MAP2K5: variants seen among roughly 807,000 people sequenced by gnomAD.
MAP2K5 encodes mitogen-activated protein kinase kinase 5, also known as dual specificity mitogen-activated protein kinase kinase 5.
MAP2K5 carries 49 observed loss-of-function variants against 83.1 expected under a neutral mutation model. The observed-to-expected ratio is 0.59, with a 90% CI of 0.47 to 0.75. The LOEUF (loss-of-function observed/expected upper bound fraction) is 0.75, where lower values mean the gene tolerates loss of function less well. MAP2K5 is among the 30% of genes least tolerant of loss of function. The probability of loss-of-function intolerance (pLI) is 0.00; values close to 1 mark genes in which losing one functional copy is unlikely to be tolerated. For synonymous variants in MAP2K5, 202 were observed against 191.8 expected, an observed-to-expected ratio of 1.05 and a Z score of -0.44; for missense variants, 457 against 557.5, an observed-to-expected ratio of 0.82 and a Z score of 1.82.
chr15:67,728,974 TA>T (rs1254843658), intron 17 of MAP2K5, among the ~76,000 whole-genome samples: 1 of 152,242 alleles, frequency 6.6e-6, no homozygotes, highest in Non-Finnish European at 1.5e-5. Flanking sequence ...CTTTCATAGT[TA>T]AAGCCATCAG....
At position 67,591,937 on chromosome 15, in the gene MAP2K5, C is replaced by A. The variant is rs2085421492; in HGVS notation, c.432-989C>A. ...GACCAGCCTGACCAACATGGAGAAA[C>A]CCCCAGCTTACTAAAAATACAAAAT... On this transcript the variant is annotated intron_variant, in intron 6 of 21. Coordinates refer to ENST00000178640, the MANE Select transcript of MAP2K5 (RefSeq NM_145160.3). Among the ~76,000 whole-genome samples the A allele has an allele frequency of 2.6e-5, 4 of 151,750 alleles. No individual in the cohort carries two copies. In the South Asian group the frequency reaches 6.3e-4, roughly 24 times the overall value.
At chr15:67,607,375 A>C (rs1301062822) in intron 8 of MAP2K5, among the ~76,000 whole-genome samples, 1 of 152,156 alleles carries the variant, frequency 6.6e-6, no homozygotes, top group African/African-American at 2.4e-5. Context: ...GGTTTGTTTC[A>C]TACGATAATG....
intron 17 of MAP2K5, among the ~76,000 whole-genome samples, chr15:67,745,364 A>G (rs1422701080): frequency 1.3e-5 from 2 of 152,250 alleles, no homozygotes; most frequent in African/African-American, 4.8e-5. Flanking sequence ...CACAAAGCCA[A>G]CATTTTATAT....
In MAP2K5 at chr15:67,543,522, G is replaced by C. The variant is rs1299092030; in HGVS notation, c.135+52G>C. The C allele has an allele frequency of 1.2e-6, 2 of 1,609,476 alleles. No homozygotes were observed. The highest frequency in any genetic ancestry group is 1.1e-5 in the South Asian group (1 of 90,748). Reference sequence around the variant, plus strand: ...GCCAGCAAGGGGGACTCAGGGACTTGAGTAGTCAGCACCTTGACCACTGGT... The same window carrying C: ...GCCAGCAAGGGGGACTCAGGGACTTCAGTAGTCAGCACCTTGACCACTGGT... On this transcript the variant is annotated intron_variant, in intron 1 of 21. Coordinates refer to ENST00000178640, the MANE Select transcript of MAP2K5 (RefSeq NM_145160.3). This position sits in a 1 kb window ranked among gnomAD's most constrained non-coding sequence, Gnocchi z 4.3.
At chr15:67,756,994 G>C (rs2089852535) in intron 19 of MAP2K5, among the ~76,000 whole-genome samples, 1 of 152,026 alleles carries the variant, frequency 6.6e-6, no homozygotes, top group Non-Finnish European at 1.5e-5. Flanking sequence ...GAATAATGCT[G>C]CAGTGAACAT....
In MAP2K5 at chr15:67,645,718, A is replaced by AT. The variant is rs779547659; in HGVS notation, c.586-498dup. On this transcript the variant is annotated intron_variant, in intron 9 of 21. Coordinates refer to ENST00000178640, the MANE Select transcript of MAP2K5 (RefSeq NM_145160.3). ...CACCCGATCATACTACACACAGGTAATTTTTTTTTTTTTTTGTAGAGATGG... is the reference window on the plus strand; with the variant it reads ...CACCCGATCATACTACACACAGGTAATTTTTTTTTTTTTTTTGTAGAGATGG... Among the ~76,000 whole-genome samples, 1,346 of 141,938 alleles carry AT rather than the reference A, an allele frequency of 9.5e-3. 11 individuals are homozygous for AT. The highest frequency in any genetic ancestry group is 0.027 in the African/African-American group (1,036 of 38,850). The allele number at this position is 141,938 out of a possible 152,430, so 93.1% of individuals were successfully genotyped here. A position where few individuals can be genotyped will look rare whatever the true frequency, so the allele number is the denominator to read the frequency against.
intron 8 of MAP2K5, among the ~76,000 whole-genome samples, chr15:67,606,124 G>T: frequency 6.6e-6 from 1 of 152,124 alleles, no homozygotes; most frequent in African/African-American, 2.4e-5. Context: ...TGCTTCCTTG[G>T]CATATCATTT....
chr15:67,666,086 C>A (rs765750021), intron 13 of MAP2K5, among the ~76,000 whole-genome samples: 2 of 152,058 alleles, frequency 1.3e-5, no homozygotes, highest in Non-Finnish European at 2.9e-5. Context: ...GAAAAACATC[C>A]ATTCTTAATA....
chr15:67,806,564 A>G lies in MAP2K5; in HGVS notation c.1243-82A>G. The G allele has an allele frequency of 2.4e-6, 3 of 1,228,808 alleles. No individual in the cohort carries two copies. In the South Asian group the frequency reaches 4.4e-5, roughly 18 times the overall value. 76.1% of individuals were successfully genotyped at this position (1,228,808 alleles called of 1,614,324 possible). On this transcript the variant is annotated intron_variant, in intron 21 of 21. Transcript: ENST00000178640. ...GTTACTGGGGAAAGAGATCAGATCC[A>G]GGCTGAGGGCAGGCCCTGGAAAGTA...
At chr15:67,763,056 C>A (rs1566956025) in intron 19 of MAP2K5, among the ~76,000 whole-genome samples, 1 of 152,158 alleles carries the variant, frequency 6.6e-6, no homozygotes, top group Non-Finnish European at 1.5e-5. Flanking sequence ...TTTCTCTGCT[C>A]AAGACTTGAT....
At position 67,724,541 on chromosome 15, in the gene MAP2K5, C is replaced by G. The variant is rs1398737472; in HGVS notation, c.1045-3375C>G. ...TCCCAAGCAGCTGTGACTACAGACA[C>G]GTGCCACCACACGCCTCTCATTTTT... On this transcript the variant is annotated intron_variant, in intron 16 of 21. Coordinates refer to ENST00000178640, the MANE Select transcript of MAP2K5 (RefSeq NM_145160.3). The surrounding 1 kb of genome is among the most constrained non-coding windows in gnomAD (Gnocchi z 4.4). Among the ~76,000 whole-genome samples, 1 of 152,104 alleles carries G rather than the reference C, an allele frequency of 6.6e-6. No homozygotes were observed. Among genetic ancestry groups the G allele is most frequent in the African/African-American group, 2.4e-5 (1 of 41,420 alleles).
intron 8 of MAP2K5, among the ~76,000 whole-genome samples, chr15:67,619,652 A>C (rs2086135295): frequency 6.6e-6 from 1 of 152,204 alleles, no homozygotes; most frequent in Admixed American, 6.5e-5. Context: ...TAGTTAAATA[A>C]AGTGAACACC....
intron 13 of MAP2K5, among the ~76,000 whole-genome samples, chr15:67,683,359 T>C (rs2087870190): frequency 6.6e-6 from 1 of 152,200 alleles, no homozygotes; most frequent in Non-Finnish European, 1.5e-5. Flanking sequence ...TTTAACCTAG[T>C]TTAATAAAGT....
intron 19 of MAP2K5, among the ~76,000 whole-genome samples, chr15:67,767,875 A>G (rs553291836): frequency 6.6e-6 from 1 of 151,466 alleles, no homozygotes; most frequent in Non-Finnish European, 1.5e-5. Context: ...ATTTTATTTC[A>G]CTCCCATTTT....
At position 67,562,972 on chromosome 15, in the gene MAP2K5, G is replaced by A. The variant is rs1335810611; in HGVS notation, c.185-311G>A. 2.0e-5 allele frequency among the ~76,000 whole-genome samples: 3 copies of A among 152,098 alleles called. No homozygotes were observed. The highest frequency in any genetic ancestry group is 7.2e-5 in the African/African-American group (3 of 41,392). On this transcript the variant is annotated intron_variant, in intron 2 of 21. Transcript: ENST00000178640. The surrounding 1 kb of genome is among the most constrained non-coding windows in gnomAD (Gnocchi z 4.1). ...GATAGTAGAACAAGACTGGCCTCTC[G>A]TTGGTTTTTAGTTCCGCTAACCAAA... is the stretch of plus-strand genomic sequence containing the variant.
At chr15:67,549,962 CCTGTAGGATTTG>C in intron 1 of MAP2K5, 60 bp from the exon 2 acceptor site, 2 of 1,097,088 alleles carry the variant, frequency 1.8e-6, no homozygotes, top group Non-Finnish European at 2.8e-6. Context: ...TCTCATATTT[CCTGTAGGATTTG>C]CCACATGTTA....
In MAP2K5 at chr15:67,676,736, T is replaced by C. The variant is rs1020158546; in HGVS notation, c.847+12091T>C. On this transcript the variant is annotated intron_variant, in intron 13 of 21. Coordinates refer to ENST00000178640, the MANE Select transcript of MAP2K5 (RefSeq NM_145160.3). This position sits in a 1 kb window ranked among gnomAD's most constrained non-coding sequence, Gnocchi z 4.8. Reference sequence around the variant, plus strand: ...CCTTGTGAGGAGGTATCATTGTATCTCCATTCTTAGGTGAAGCAATCAAGG... The same window carrying C: ...CCTTGTGAGGAGGTATCATTGTATCCCCATTCTTAGGTGAAGCAATCAAGG... 4.6e-5 allele frequency among the ~76,000 whole-genome samples: 7 copies of C among 152,246 alleles called. No individual in the cohort carries two copies. The East Asian group carries it at 1.2e-3, about 25-fold the overall frequency.
Position 67,702,945 on chromosome 15 carries a change from T to G in MAP2K5, c.973-392T>G, listed in dbSNP as rs764725237. Among the ~76,000 whole-genome samples, 12 of 152,336 alleles carry G rather than the reference T, an allele frequency of 7.9e-5. No homozygotes were observed. The highest frequency in any genetic ancestry group is 1.8e-4 in the Non-Finnish European group (12 of 68,030). On this transcript the variant is annotated intron_variant, in intron 15 of 21. Coordinates refer to ENST00000178640, the MANE Select transcript of MAP2K5 (RefSeq NM_145160.3). The surrounding 1 kb of genome is among the most constrained non-coding windows in gnomAD (Gnocchi z 4.6). ...GCAAATAAGTGATAATATCATATAATGTTGTGTAATTTGTTACTCCACAAC... is the reference window on the plus strand; with the variant it reads ...GCAAATAAGTGATAATATCATATAAGGTTGTGTAATTTGTTACTCCACAAC...
chr15:67,698,261 C>CACCGCA lies in MAP2K5; in HGVS notation c.972+4697_972+4702dup, dbSNP rs1272085490. 4.6e-5 allele frequency among the ~76,000 whole-genome samples: 7 copies of CACCGCA among 152,070 alleles called. No homozygotes were observed. Among genetic ancestry groups the CACCGCA allele is most frequent in the African/African-American group, 1.7e-4 (7 of 41,396 alleles). The stretch of plus-strand genomic sequence containing the variant: ...CTGGAGTGCAGTGGCGATTGCAGCT[C>CACCGCA]ACCGCAACCTCTGTCCCCTGGGTTC... On this transcript the variant is annotated intron_variant, in intron 15 of 21. Coordinates refer to ENST00000178640, the MANE Select transcript of MAP2K5 (RefSeq NM_145160.3). This position sits in a 1 kb window ranked among gnomAD's most constrained non-coding sequence, Gnocchi z 4.5.
Sources: allele counts gnomAD v4.1 joint callset (sites outside exome capture counted in the v4.1 genomes callset), GRCh38; gene constraint gnomAD v4.1.1; non-coding constraint Gnocchi (gnomAD v3.1); transcripts MANE v1.5; gene names NCBI Gene and HGNC (gene_info 2026-07-23, HGNC 2026-07-21).